CASQ1: variants seen among roughly 807,000 people sequenced by gnomAD.
The protein encoded by CASQ1 is calsequestrin 1.
CASQ1 carries 40 observed loss-of-function variants against 49.5 expected under a neutral mutation model. The observed-to-expected ratio is 0.81, with a 90% confidence interval of 0.63 to 1.05. The LOEUF (loss-of-function observed/expected upper bound fraction) is 1.05. Among genes scored for constraint, CASQ1 ranks in the 50% least tolerant of loss-of-function variants. The probability of loss-of-function intolerance (pLI) is 0.00; values close to 1 mark genes in which losing one functional copy is unlikely to be tolerated. For missense variants in CASQ1, 469 were observed against 486.9 expected, an observed-to-expected ratio of 0.96 and a Z score of 0.35; for synonymous variants, 174 against 187.2, an observed-to-expected ratio of 0.93 and a Z score of 0.58.
At position 160,201,592 on chromosome 1, in the gene CASQ1, C is replaced by T. The variant is rs1026596572; in HGVS notation, c.*216C>T. 6.8e-6 allele frequency: 4 copies of T among 587,772 alleles called. No individual in the cohort carries two copies. Among genetic ancestry groups the T allele is most frequent in the Non-Finnish European group, 1.2e-5 (4 of 329,178 alleles). 36.4% of individuals were successfully genotyped at this position (587,772 alleles called of 1,614,324 possible). On this transcript the variant is annotated 3_prime_UTR_variant, in exon 11 of 11. Coordinates refer to ENST00000368078, the MANE Select transcript of CASQ1 (RefSeq NM_001231.5). ...ACCAGGCCAGCTCTCTCTTATCTGA[C>T]TTCTGTTTCTTATCCCATAACTTAC... is the stretch of plus-strand genomic sequence containing the variant.
chr1:160,194,323 TACAC>T (rs147058636), intron 3 of CASQ1, among the ~76,000 whole-genome samples: 2 of 137,696 alleles, frequency 1.5e-5, no homozygotes, highest in South Asian at 2.3e-4. Flanking sequence ...GCCACACATG[TACAC>T]ACACACTACA....
rs1392904388 is a variant in CASQ1 at position 160,190,773 on chromosome 1, G to A, written c.22G>A (p.Gly8Arg). MSATDRM[G>R]PRAVPGLRLA... Reference sequence around the variant, plus strand: ...CTCCATGAGTGCTACAGACAGGATGGGGCCCAGAGCTGTGCCGGGTCTGCG... The same window carrying A: ...CTCCATGAGTGCTACAGACAGGATGAGGCCCAGAGCTGTGCCGGGTCTGCG... Residue 8 changes from glycine (G) to arginine (R), a missense_variant, in exon 1 of 11, where the codon GGG becomes AGG. Gly to Arg is a moderately radical substitution (Grantham distance 125). Transcript: ENST00000368078. 6.2e-7 allele frequency: 1 copy of A among 1,613,944 alleles called. No homozygotes were observed. Among genetic ancestry groups the A allele is most frequent in the Non-Finnish European group, 8.5e-7 (1 of 1,179,964 alleles).
Position 160,198,717 on chromosome 1 carries a change from A to G in CASQ1, c.869A>G (p.Glu290Gly). ...GGAATCCACATTGTGGCCTTCGCAG[A>G]GGAAGCTGATCCTGGTGAGGGAGGA... is the stretch of plus-strand genomic sequence containing the variant. ...MDGIHIVAFA[E>G]EADPDGFEFL... is the part of the protein sequence containing the mutation. The change falls in exon 8 of 11, where the codon GAG becomes GGG. Residue 290 changes from glutamate to glycine, a missense_variant. Physicochemically the swap from Glu to Gly is moderately conservative, Grantham distance 98. Coordinates refer to ENST00000368078, the MANE Select transcript of CASQ1 (RefSeq NM_001231.5). The G allele has an allele frequency of 3.7e-6, 6 of 1,613,826 alleles. No individual in the cohort carries two copies. Among genetic ancestry groups the G allele is most frequent in the Non-Finnish European group, 5.1e-6 (6 of 1,179,760 alleles).
intron 3 of CASQ1, among the ~76,000 whole-genome samples, chr1:160,194,427 GCACACCACACACACAACA>G (rs1654159816): frequency 8.8e-6 from 1 of 114,200 alleles, no homozygotes; most frequent in African/African-American, 3.3e-5. Context: ...TGCACCACAT[GCACACCACACACACAACA>G]CACACCACAC....
chr1:160,192,898 G>A lies in CASQ1; in HGVS notation c.364+12G>A, dbSNP rs1297950070. ...GGCCAAGAAACTAGGTAAGAGAGGG[G>A]AGGGCAGGGGAGGGGAAGGTGGCAT... is the stretch of plus-strand genomic sequence containing the variant. On this transcript the variant is annotated intron_variant, in intron 2 of 10. Transcript: ENST00000368078. 2.5e-6 allele frequency: 4 copies of A among 1,604,784 alleles called. No individual in the cohort carries two copies. The highest frequency in any genetic ancestry group is 3.4e-6 in the Non-Finnish European group (4 of 1,171,808).
At chr1:160,193,875 T>A (rs1211502926) in intron 3 of CASQ1, 28 bp downstream of exon 3, 2 of 1,535,318 alleles carry the variant, frequency 1.3e-6, no homozygotes, top group Non-Finnish European at 1.8e-6. Flanking sequence ...CCTGACGGCC[T>A]TGCTTGAAAA....
Position 160,195,456 on chromosome 1 carries a change from C to A in CASQ1, c.578-5C>A. The A allele has an allele frequency of 6.2e-7, 1 of 1,613,876 alleles. No homozygotes were observed. Among genetic ancestry groups the A allele is most frequent in the Non-Finnish European group, 8.5e-7 (1 of 1,179,784 alleles). On this transcript the variant is annotated splice_region_variant and splice_polypyrimidine_tract_variant and intron_variant, in intron 4 of 10. Coordinates refer to ENST00000368078, the MANE Select transcript of CASQ1 (RefSeq NM_001231.5). ...CAGAGACTGACTCTGCATTCCACCC[C>A]CCAGATTACAAAGCCTTCGAGGATG...
Position 160,190,970 on chromosome 1 carries a change from AC to A in CASQ1, c.225del (p.Glu76ArgfsTer15), listed in dbSNP as rs766111752. The A allele has an allele frequency of 5.6e-6, 9 of 1,613,278 alleles. 1 individual carries two copies. In the South Asian group the frequency reaches 7.7e-5, roughly 14 times the overall value. The part of the protein sequence containing the change: ...YEVLALLYHE[P>X]PEDDKASQRQ... ...AGGTGCTGGCACTCCTCTACCATGA[AC>A]CCCCCGAGGATGACAAGGCCTCACA... On this transcript the variant is annotated frameshift_variant, in exon 1 of 11. Transcript: ENST00000368078. LOFTEE classifies it high-confidence loss of function.
At chr1:160,201,113 C>T (rs1283419403) in intron 10 of CASQ1, 132 bp from the exon 11 acceptor site, 2 of 951,358 alleles carry the variant, frequency 2.1e-6, no homozygotes, top group East Asian at 2.6e-5. Flanking sequence ...TGGACAGTTT[C>T]CCTGGCCTTT....
Position 160,199,161 on chromosome 1 carries a change from G to C in CASQ1, c.984+108G>C. 4 of 778,436 alleles carry C rather than the reference G, an allele frequency of 5.1e-6. No individual in the cohort carries two copies. In the South Asian group the frequency reaches 5.9e-5, roughly 12 times the overall value. 48.2% of individuals were successfully genotyped at this position (778,436 alleles called of 1,614,324 possible). On this transcript the variant is annotated intron_variant, in intron 9 of 10. Transcript: ENST00000368078. The stretch of plus-strand genomic sequence containing the variant: ...GGTCCCATCCCCACCTCCTAGCTGG[G>C]GGGCCCTGGGAGGGTATGCGTGTTG...
Position 160,190,917 on chromosome 1 carries a change from AACT to A in CASQ1, c.169_171del (p.Tyr57del). ...CCGTGTGATCAATGTCAATGCAAAGAACTACAAGAATGTGTTCAAGAAGTATGA... is the reference window on the plus strand; with the variant it reads ...CCGTGTGATCAATGTCAATGCAAAGAACAAGAATGTGTTCAAGAAGTATGA... On this transcript the variant is annotated inframe_deletion, in exon 1 of 11. Coordinates refer to ENST00000368078, the MANE Select transcript of CASQ1 (RefSeq NM_001231.5). 6.2e-7 allele frequency: 1 copy of A among 1,614,154 alleles called. No individual in the cohort carries two copies. Among genetic ancestry groups the A allele is most frequent in the East Asian group, 2.2e-5 (1 of 44,886 alleles).
intron 5 of CASQ1, 65 bp downstream of exon 5, chr1:160,195,599 C>T: frequency 6.7e-7 from 1 of 1,490,076 alleles, no homozygotes; most frequent in Non-Finnish European, 9.4e-7. Context: ...AGTTTCCTCT[C>T]CCAGAATCGA....
intron 4 of CASQ1, 136 bp from the exon 5 acceptor site, chr1:160,195,325 C>A: frequency 1.2e-6 from 1 of 835,064 alleles, no homozygotes; most frequent in Non-Finnish European, 2.0e-6. Flanking sequence ...TTCCACCTTC[C>A]CCTCACTCTC....
chr1:160,194,890 A>C, intron 3 of CASQ1, 122 bp from the exon 4 acceptor site: 2 of 608,258 alleles, frequency 3.3e-6, no homozygotes, highest in East Asian at 2.8e-5. Flanking sequence ...CCCCACACAC[A>C]CACCCACACA....
intron 1 of CASQ1, among the ~76,000 whole-genome samples, chr1:160,191,392 C>A (rs1370122119): frequency 6.6e-6 from 1 of 152,146 alleles, no homozygotes; most frequent in Admixed American, 6.5e-5. Flanking sequence ...TTGCACTCCC[C>A]TACCCCACCC....
intron 3 of CASQ1, among the ~76,000 whole-genome samples, chr1:160,194,193 ACAC>A (rs1010657211): frequency 6.8e-6 from 1 of 146,912 alleles, no homozygotes; most frequent in African/African-American, 2.5e-5. Context: ...ATGCACACAC[ACAC>A]CACATGCACA....
chr1:160,195,569 A>C lies in CASQ1; in HGVS notation c.651+35A>C, dbSNP rs372616738. 1.5e-3 allele frequency: 2,387 copies of C among 1,591,056 alleles called. 4 individuals are homozygous for C. The highest frequency in any genetic ancestry group is 1.9e-3 in the Non-Finnish European group (2,199 of 1,160,500). ...CCCGCAGCTGTATTGGTTCTGCCTC[A>C]TGTCCTGAAGCTGTCCTCCAGTTTC... On this transcript the variant is annotated intron_variant, in intron 5 of 10. Transcript: ENST00000368078.
intron 3 of CASQ1, 73 bp from the exon 4 acceptor site, chr1:160,194,936 CCTT>C (rs1341869921): frequency 1.6e-5 from 14 of 881,510 alleles, no homozygotes; most frequent in Non-Finnish European, 2.3e-5. Context: ...AGTTCCCCAG[CCTT>C]CTTTTCCCTA....
At chr1:160,193,065 C>G (rs1197663050) in intron 2 of CASQ1, among the ~76,000 whole-genome samples, 179 bp downstream of exon 2, 1 of 152,100 alleles carries the variant, frequency 6.6e-6, no homozygotes, top group African/African-American at 2.4e-5. Context: ...CTCGGAGACT[C>G]TGCCTCTCTA....
Sources: allele counts gnomAD v4.1 joint callset (sites outside exome capture counted in the v4.1 genomes callset), GRCh38; gene constraint gnomAD v4.1.1; transcripts MANE v1.5; gene names NCBI Gene and HGNC (gene_info 2026-07-23, HGNC 2026-07-21).